The following FGF12 variants were observed in gnomAD, a reference collection of about 807,000 sequenced individuals.
The protein encoded by FGF12 is fibroblast growth factor 12.
FGF12 carries 14 observed loss-of-function variants against 23.6 expected under a neutral mutation model. The observed-to-expected ratio is 0.59, with a 90% CI of 0.39 to 0.93. The LOEUF (loss-of-function observed/expected upper bound fraction) is 0.93. FGF12 is among the 40% of genes least tolerant of loss of function. The pLI, the probability that FGF12 is intolerant of heterozygous loss-of-function variation, is 0.00. For synonymous variants in FGF12, 62 were observed against 77.3 expected, an observed-to-expected ratio of 0.80 and a Z score of 1.04; for missense variants, 175 against 217.8, an observed-to-expected ratio of 0.80 and a Z score of 1.24.
chr3:192,398,540 C>G (rs536954145), intron 2 of FGF12, among the ~76,000 whole-genome samples: 11 of 151,992 alleles, frequency 7.2e-5, no homozygotes, highest in Non-Finnish European at 1.2e-4. Flanking sequence ...TGCACCACCA[C>G]GCCCGACTAA....
At chr3:192,304,319 C>T (rs1329428823) in intron 4 of FGF12, among the ~76,000 whole-genome samples, 2 of 152,144 alleles carry the variant, frequency 1.3e-5, no homozygotes, top group Non-Finnish European at 2.9e-5. Context: ...GAGCGCTTTA[C>T]TTTTGCTGTC....
chr3:192,250,787 GT>G (rs1021065639), intron 4 of FGF12, among the ~76,000 whole-genome samples: 9 of 151,224 alleles, frequency 6.0e-5, no homozygotes, highest in Non-Finnish European at 8.9e-5. Flanking sequence ...TATTTTGAAG[GT>G]TTTTTTTTAA....
intron 4 of FGF12, among the ~76,000 whole-genome samples, chr3:192,265,094 T>C (rs1352722253): frequency 6.6e-6 from 1 of 152,130 alleles, no homozygotes; most frequent in Non-Finnish European, 1.5e-5. Context: ...GGAGAAAACA[T>C]AAAAAGCCCT....
rs757512077 is a variant in FGF12 at position 192,158,328 on chromosome 3, CTTTCTCTTTCTTTCTT to C, written c.427+12114_427+12129del. Among the ~76,000 whole-genome samples, 46 of 110,414 alleles carry C rather than the reference CTTTCTCTTTCTTTCTT, an allele frequency of 4.2e-4. 1 individual carries two copies. The highest frequency in any genetic ancestry group is 4.0e-3 in the South Asian group (12 of 2,964). The allele number at this position is 110,414 out of a possible 152,430, so 72.4% of individuals were successfully genotyped here. A position where few individuals can be genotyped will look rare whatever the true frequency, so the allele number is the denominator to read the frequency against. The stretch of plus-strand genomic sequence containing the variant: ...TTTTCCCTTTTCTCTTTCTTTCTTT[CTTTCTCTTTCTTTCTT>C]TCTTTCTTTCTTTCTTTCTTTCTTT... On this transcript the variant is annotated intron_variant, in intron 5 of 5. Transcript: ENST00000445105.
intron 2 of FGF12, among the ~76,000 whole-genome samples, chr3:192,578,080 C>T (rs918432369): frequency 2.6e-5 from 4 of 152,120 alleles, no homozygotes; most frequent in Non-Finnish European, 4.4e-5. Context: ...GAAAGATAAT[C>T]GTGTTCTCTA....
chr3:192,694,924 T>C (rs1274496720), intron 2 of FGF12, among the ~76,000 whole-genome samples: 2 of 151,968 alleles, frequency 1.3e-5, no homozygotes, highest in African/African-American at 4.8e-5. Flanking sequence ...GTTGCAGTTG[T>C]GTAGGATAAG....
At chr3:192,284,798 G>A (rs986533407) in intron 4 of FGF12, among the ~76,000 whole-genome samples, 4 of 151,994 alleles carry the variant, frequency 2.6e-5, no homozygotes, top group African/African-American at 9.7e-5. Flanking sequence ...GAATCAACAG[G>A]CTGGAAGTGT....
chr3:192,160,533 T>C (rs1025735043), intron 5 of FGF12, among the ~76,000 whole-genome samples: 1 of 152,202 alleles, frequency 6.6e-6, no homozygotes, highest in Non-Finnish European at 1.5e-5. Flanking sequence ...TTTACCTTCA[T>C]CATCCTTTTT....
chr3:192,535,901 T>C (rs1419662652), intron 2 of FGF12, among the ~76,000 whole-genome samples: 1 of 152,134 alleles, frequency 6.6e-6, no homozygotes, highest in Non-Finnish European at 1.5e-5. Flanking sequence ...ATCTGCCACA[T>C]AGATACAAAC....
At chr3:192,697,434 G>A (rs1490814077) in intron 2 of FGF12, among the ~76,000 whole-genome samples, 1 of 152,126 alleles carries the variant, frequency 6.6e-6, no homozygotes, top group East Asian at 1.9e-4. Context: ...TATTGATACT[G>A]TCCCAAATTT....
chr3:192,407,877 T>G, intron 2 of FGF12: 2 of 856,830 alleles, frequency 2.3e-6, no homozygotes, highest in Non-Finnish European at 3.6e-6. Context: ...ACTGACAGAG[T>G]GGTTGAAAGA....
At chr3:192,508,916 G>A (rs1724391193) in intron 2 of FGF12, among the ~76,000 whole-genome samples, 1 of 152,036 alleles carries the variant, frequency 6.6e-6, no homozygotes, top group African/African-American at 2.4e-5. Flanking sequence ...ATCAAGTAAG[G>A]GTTGTTGAAC....
intron 2 of FGF12, among the ~76,000 whole-genome samples, chr3:192,660,011 T>C (rs1487091926): frequency 6.6e-6 from 1 of 151,988 alleles, no homozygotes; most frequent in Non-Finnish European, 1.5e-5. Context: ...CATTACTGGG[T>C]ATATACCCAA....
intron 2 of FGF12, among the ~76,000 whole-genome samples, chr3:192,454,806 A>C (rs2108803604): frequency 6.6e-6 from 1 of 152,348 alleles, no homozygotes; most frequent in East Asian, 1.9e-4. Context: ...CACACTAGAG[A>C]ACAGGCCAGG....
rs138428288 is a variant in FGF12 at position 192,719,202 on chromosome 3, T to C, written c.13+7979A>G. On this transcript the variant is annotated intron_variant, in intron 2 of 5. Coordinates refer to ENST00000445105, the MANE Select transcript of FGF12 (RefSeq NM_004113.6). The stretch of plus-strand genomic sequence containing the variant: ...CAGTGTATCACCAGAGTATACAATG[T>C]CATAATTCCACCAGTGTGCATACTA... 6.5e-3 allele frequency among the ~76,000 whole-genome samples: 987 copies of C among 152,304 alleles called. 8 individuals are homozygous for C. Among genetic ancestry groups the C allele is most frequent in the Middle Eastern group, 0.017 (5 of 292 alleles).
At chr3:192,206,461 A>G (rs1717654235) in intron 4 of FGF12, among the ~76,000 whole-genome samples, 1 of 152,234 alleles carries the variant, frequency 6.6e-6, no homozygotes, top group South Asian at 2.1e-4. Context: ...AAGTAATGAC[A>G]GGAAGAACAA....
At chr3:192,317,384 G>A (rs887787385) in intron 4 of FGF12, among the ~76,000 whole-genome samples, 5 of 151,706 alleles carry the variant, frequency 3.3e-5, no homozygotes, top group Admixed American at 6.6e-5. Flanking sequence ...CCCTGGCAAC[G>A]TTCACCACAA....
At chr3:192,535,787 A>G (rs1420395570) in intron 2 of FGF12, among the ~76,000 whole-genome samples, 1 of 152,200 alleles carries the variant, frequency 6.6e-6, no homozygotes, top group Non-Finnish European at 1.5e-5. Context: ...CTAGGTCTTA[A>G]TTGGTACAAT....
intron 2 of FGF12, among the ~76,000 whole-genome samples, chr3:192,489,327 G>A (rs1039275957): frequency 2.0e-5 from 3 of 151,586 alleles, no homozygotes; most frequent in Non-Finnish European, 2.9e-5. Flanking sequence ...TTCTCTATGT[G>A]AATATAAAAT....
Sources: gnomAD v4.1 joint callset for allele counts (sites outside exome capture counted in the v4.1 genomes callset) on GRCh38, gnomAD v4.1.1 for gene constraint, MANE v1.5 for transcripts, NCBI Gene and HGNC (gene_info 2026-07-23, HGNC 2026-07-21) for gene names.